Variants in MED13L observed in about 807,000 individuals in gnomAD.
MED13L encodes the protein mediator of RNA polymerase II transcription subunit 13-like.
MED13L carries 7 observed loss-of-function variants against 220.9 expected under a neutral mutation model. The observed-to-expected ratio is 0.03, with a 90% CI of 0.02 to 0.06. MED13L has a LOEUF of 0.06. Ranked by LOEUF, MED13L falls within the 10% of genes least tolerant of loss-of-function variation. The pLI is 1.00. For missense variants in MED13L, 1,965 were observed against 2,760.5 expected (o/e 0.71, Z 6.46); for synonymous variants, 1,011 against 1,015.2 (o/e 1.00, Z 0.08).
chr12:116,231,188 A>G (rs1221056390), intron 2 of MED13L, among the ~76,000 whole-genome samples: 2 of 152,206 alleles, frequency 1.3e-5, no homozygotes, highest in East Asian at 3.9e-4. Context: ...AGATATTCAC[A>G]CAATCTCAAA....
At chr12:116,202,643 C>T (rs981840680) in intron 2 of MED13L, among the ~76,000 whole-genome samples, 1 of 152,230 alleles carries the variant, frequency 6.6e-6, no homozygotes, top group African/African-American at 2.4e-5. Context: ...TACTTCATTG[C>T]CCCATGCCTC....
chr12:116,277,017 C>CA (rs764028243), intron 1 of MED13L, 43 bp downstream of exon 1: 9 of 1,399,086 alleles, frequency 6.4e-6, no homozygotes, highest in South Asian at 2.5e-5. Context: ...GGGACCCCCC[C>CA]CCTTCCCCGG....
At chr12:116,104,027 T>TTTTTTTTTTTTTTTTTTTG (rs1873333304) in intron 3 of MED13L, among the ~76,000 whole-genome samples, 1 of 114,420 alleles carries the variant, frequency 8.7e-6, no homozygotes, top group South Asian at 3.0e-4. Flanking sequence ...TTTTTTTTTT[T>TTTTTTTTTTTTTTTTTTTG]GAGACGGAGT....
chr12:116,005,722 A>C lies in MED13L; in HGVS notation c.2469+147T>G. 3.8e-6 allele frequency: 4 copies of C among 1,040,742 alleles called. No individual in the cohort carries two copies. The South Asian group carries it at 5.4e-5, about 14-fold the overall frequency. 64.5% of individuals were successfully genotyped at this position (1,040,742 alleles called of 1,614,324 possible). A position where few individuals can be genotyped will look rare whatever the true frequency, so the allele number is the denominator to read the frequency against. ...TTTTTATACAGCATGACTAGATTCC[A>C]GTATACAGACATTTATAAAGAACAT... On this transcript the variant is annotated intron_variant, in intron 13 of 30. Coordinates refer to ENST00000281928, the MANE Select transcript of MED13L (RefSeq NM_015335.5).
At chr12:115,963,675 A>C (rs1363378642) in intron 29 of MED13L, among the ~76,000 whole-genome samples, 156 bp from the exon 30 acceptor site, 1 of 152,160 alleles carries the variant, frequency 6.6e-6, no homozygotes, top group South Asian at 2.1e-4. Context: ...GTAACCCCCA[A>C]GGTAATCCCA....
At chr12:116,057,371 T>A (rs912900948) in intron 4 of MED13L, among the ~76,000 whole-genome samples, 5 of 152,056 alleles carry the variant, frequency 3.3e-5, no homozygotes, top group East Asian at 3.9e-4. Flanking sequence ...GCAACCAAAC[T>A]GCAAAACTCT....
intron 4 of MED13L, among the ~76,000 whole-genome samples, chr12:116,080,959 T>C (rs1871204207): frequency 6.6e-6 from 1 of 152,212 alleles, no homozygotes; most frequent in Admixed American, 6.5e-5. Context: ...TAGGGCACTA[T>C]AAAAACAATA....
At chr12:116,033,747 A>AGTGTGTGT (rs78671683) in intron 4 of MED13L, among the ~76,000 whole-genome samples, 2 of 151,176 alleles carry the variant, frequency 1.3e-5, no homozygotes, top group Non-Finnish European at 1.5e-5. Context: ...ATGAATCATG[A>AGTGTGTGT]GTGTGTGTGT....
intron 4 of MED13L, among the ~76,000 whole-genome samples, chr12:116,071,428 T>C (rs967269033): frequency 6.6e-6 from 1 of 152,218 alleles, no homozygotes; most frequent in Non-Finnish European, 1.5e-5. Context: ...TGTTTTTGTT[T>C]TGTTTTGTTT....
chr12:116,139,068 A>G (rs1304516290), intron 2 of MED13L, among the ~76,000 whole-genome samples: 1 of 152,150 alleles, frequency 6.6e-6, no homozygotes, highest in Admixed American at 6.5e-5. Flanking sequence ...AAAGTGGTCA[A>G]GAAGAGACTG....
At chr12:116,250,647 C>T (rs1425087216) in intron 1 of MED13L, among the ~76,000 whole-genome samples, 3 of 149,752 alleles carry the variant, frequency 2.0e-5, no homozygotes, top group Non-Finnish European at 4.4e-5. Context: ...AGTGGTGGCA[C>T]GCTCCTGTAG....
chr12:116,180,091 G>A (rs1880409596), intron 2 of MED13L, among the ~76,000 whole-genome samples: 1 of 152,140 alleles, frequency 6.6e-6, no homozygotes, highest in South Asian at 2.1e-4. Flanking sequence ...CAAGGAAAAG[G>A]TGAAAAGATT....
intron 2 of MED13L, among the ~76,000 whole-genome samples, chr12:116,216,136 C>T (rs1404129008): frequency 6.6e-6 from 1 of 152,116 alleles, no homozygotes; most frequent in East Asian, 1.9e-4. Context: ...GCTATCTTTC[C>T]TCTCTTCTGC....
chr12:116,008,470 G>C lies in MED13L; in HGVS notation c.1943C>G (p.Pro648Arg), dbSNP rs1322326599. ...LPPSDDAEFR[P>R]PELQGERCDA... ...ACATCTCTCACCCTGGAGCTCTGGAGGCCTGAACTCAGCATCATCACTGGG... is the reference window on the plus strand; with the variant it reads ...ACATCTCTCACCCTGGAGCTCTGGACGCCTGAACTCAGCATCATCACTGGG... Residue 648 changes from proline (P) to arginine (R), a missense_variant, in exon 10 of 31, where the codon CCT becomes CGT. Around this residue, in one of 10 missense-constraint regions of MED13L, gnomAD observed 818 missense variants for 1,041.2 expected, o/e 0.79. Transcript: ENST00000281928. 3.1e-6 allele frequency: 5 copies of C among 1,613,452 alleles called. No homozygotes were observed. In the Admixed American group the frequency reaches 8.3e-5, roughly 27 times the overall value.
intron 2 of MED13L, among the ~76,000 whole-genome samples, chr12:116,144,054 C>T (rs889878466): frequency 4.6e-5 from 7 of 152,170 alleles, no homozygotes; most frequent in Admixed American, 1.3e-4. Flanking sequence ...TTTGCTTGGC[C>T]TTTCCTTTGC....
chr12:116,237,357 G>GA, intron 2 of MED13L, 111 bp downstream of exon 2: 1 of 896,280 alleles, frequency 1.1e-6, no homozygotes, highest in Non-Finnish European at 1.8e-6. Flanking sequence ...AGACATCCAT[G>GA]AAACACTTAA....
At chr12:116,204,382 C>T (rs1161101661) in intron 2 of MED13L, among the ~76,000 whole-genome samples, 1 of 152,238 alleles carries the variant, frequency 6.6e-6, no homozygotes, top group African/African-American at 2.4e-5. Context: ...GGAGTAGCTA[C>T]TACGCAGGAA....
rs1361336711 is a variant in MED13L, at chr12:116,146,845, G to T, written c.311-35333C>A. Among the ~76,000 whole-genome samples the T allele has an allele frequency of 4.0e-5, 6 of 151,880 alleles. No homozygotes were observed. In the East Asian group the frequency reaches 1.2e-3, roughly 29 times the overall value. On this transcript the variant is annotated intron_variant, in intron 2 of 30. Coordinates refer to ENST00000281928, the MANE Select transcript of MED13L (RefSeq NM_015335.5). The stretch of plus-strand genomic sequence containing the variant: ...ATCGCACCACTGCACTCCAGCCTGG[G>T]CAACAGAGCAAGGCTCTGTCTCAAA...
chr12:116,105,043 T>A (rs1172928492), intron 3 of MED13L, among the ~76,000 whole-genome samples: 1 of 152,240 alleles, frequency 6.6e-6, no homozygotes, highest in African/African-American at 2.4e-5. Flanking sequence ...TGGTATATTA[T>A]GAAAACTTAT....
Sources: allele counts gnomAD v4.1 joint callset (sites outside exome capture counted in the v4.1 genomes callset), GRCh38; gene constraint gnomAD v4.1.1; regional missense constraint gnomAD v4.1.1; transcripts MANE v1.5; gene names NCBI Gene and HGNC (gene_info 2026-07-23, HGNC 2026-07-21).